The following ZNF33A variants were observed in gnomAD, a reference collection of about 807,000 sequenced individuals.
ZNF33A encodes brain my041 protein.
In ZNF33A, 9 loss-of-function variants were observed where a neutral mutation model predicts 15.9. The ratio of observed to expected loss-of-function variants is 0.57; its 90% confidence interval spans 0.34 to 0.99. The LOEUF (loss-of-function observed/expected upper bound fraction) is 0.99, where lower values mean the gene tolerates loss of function less well. Ranked by LOEUF, ZNF33A falls within the 50% of genes least tolerant of loss-of-function variation. ZNF33A has a pLI of 0.02. For missense variants in ZNF33A, 843 were observed against 941.6 expected (o/e 0.90, Z 1.37); for synonymous variants, 294 against 324.2 (o/e 0.91, Z 1.00).
At chr10:38,038,426 A>G (rs1205070377) in intron 4 of ZNF33A, among the ~76,000 whole-genome samples, 1 of 152,178 alleles carries the variant, frequency 6.6e-6, no homozygotes. Flanking sequence ...ATTTTCATTT[A>G]TGATTTGTTT....
chr10:38,034,319 T>C (rs2065345062), intron 4 of ZNF33A, among the ~76,000 whole-genome samples: 1 of 152,194 alleles, frequency 6.6e-6, no homozygotes, highest in African/African-American at 2.4e-5. Context: ...TTGTCATGTC[T>C]CTTTAGGCTC....
intron 4 of ZNF33A, among the ~76,000 whole-genome samples, chr10:38,042,309 C>T (rs183986426): frequency 6.6e-6 from 1 of 152,012 alleles, no homozygotes; most frequent in East Asian, 1.9e-4. Flanking sequence ...TCTCAGCCTC[C>T]CGAGTAGCTG....
chr10:38,056,829 A>G lies in ZNF33A; in HGVS notation c.*269A>G, dbSNP rs550186809. The G allele has an allele frequency of 9.2e-5, 104 of 1,131,000 alleles. 2 individuals carry two copies. In the South Asian group the frequency reaches 3.6e-3, roughly 39 times the overall value. 70.1% of individuals were successfully genotyped at this position (1,131,000 alleles called of 1,614,324 possible). A position where few individuals can be genotyped will look rare whatever the true frequency, so the allele number is the denominator to read the frequency against. On this transcript the variant is annotated 3_prime_UTR_variant, in exon 5 of 5. Transcript: ENST00000432900. ...AAATTTTGCTTAGAAATAAAATACGACAAGTTATGTTTTGAGTTTGATGCC... is the reference window on the plus strand; with the variant it reads ...AAATTTTGCTTAGAAATAAAATACGGCAAGTTATGTTTTGAGTTTGATGCC...
Position 38,039,634 on chromosome 10 carries a change from A to AT in ZNF33A, c.251-14737dup, listed in dbSNP as rs1414792888. 12 of 445,962 alleles carry AT rather than the reference A, an allele frequency of 2.7e-5. No homozygotes were observed. In the Middle Eastern group the frequency reaches 1.5e-3, roughly 54 times the overall value. The allele number at this position is 445,962 out of a possible 1,614,324, so 27.6% of individuals were successfully genotyped here. ...GGTTTTAGTTGTTTTTGTTTTATGG[A>AT]TTTTCCCATTTTGTTGAAGTTAAAT... On this transcript the variant is annotated intron_variant, in intron 4 of 4. Coordinates refer to ENST00000432900, the MANE Select transcript of ZNF33A (RefSeq NM_006954.2).
chr10:38,028,395 A>G (rs2065070460), intron 4 of ZNF33A, among the ~76,000 whole-genome samples: 1 of 151,680 alleles, frequency 6.6e-6, no homozygotes, highest in Non-Finnish European at 1.5e-5. Flanking sequence ...GCCATACTGC[A>G]TTTTGTTTTC....
intron 4 of ZNF33A, among the ~76,000 whole-genome samples, chr10:38,021,883 A>G (rs1030828580): frequency 2.0e-5 from 3 of 152,204 alleles, no homozygotes; most frequent in African/African-American, 4.8e-5. Context: ...TCAGACTTCT[A>G]AATAAAGTCT....
chr10:38,036,789 T>C (rs1370228899), intron 4 of ZNF33A, among the ~76,000 whole-genome samples: 2 of 152,122 alleles, frequency 1.3e-5, no homozygotes, highest in African/African-American at 4.8e-5. Flanking sequence ...AAGGAAGAAA[T>C]AAAACTTTCT....
At chr10:38,038,150 G>A (rs2065534983) in intron 4 of ZNF33A, among the ~76,000 whole-genome samples, 1 of 152,050 alleles carries the variant, frequency 6.6e-6, no homozygotes, top group Admixed American at 6.6e-5. Flanking sequence ...TTACTTATTT[G>A]AGACAGAGTT....
chr10:38,021,069 A>G (rs921711522), intron 4 of ZNF33A, among the ~76,000 whole-genome samples: 6 of 152,136 alleles, frequency 3.9e-5, no homozygotes, highest in African/African-American at 9.7e-5. Flanking sequence ...CTATTCCACC[A>G]TCTTGCTCCA....
chr10:38,055,248 A>T lies in ZNF33A; in HGVS notation c.1124A>T (p.His375Leu). Residue 375 changes from histidine (H) to leucine (L), a missense_variant, in exon 5 of 5, where the codon CAT (histidine) becomes CTT (leucine). Coordinates refer to ENST00000432900, the MANE Select transcript of ZNF33A (RefSeq NM_006954.2). ...TGGGATAAGTCAAACCTCACTAAAC[A>T]TCAAAGATCACACACAGGGGAGAAA... ...AFWDKSNLTK[H>L]QRSHTGEKPF... 2.5e-6 allele frequency: 4 copies of T among 1,614,152 alleles called. No individual in the cohort carries two copies. Among genetic ancestry groups the T allele is most frequent in the Non-Finnish European group, 2.5e-6 (3 of 1,179,994 alleles).
At chr10:38,051,303 C>T (rs2066191741) in intron 4 of ZNF33A, among the ~76,000 whole-genome samples, 3 of 151,926 alleles carry the variant, frequency 2.0e-5, no homozygotes, top group African/African-American at 4.8e-5. Context: ...TTATATATAC[C>T]GAAACTTGTA....
rs140434046 is a variant in ZNF33A, at chr10:38,055,983, A to G, written c.1859A>G (p.Gln620Arg). The G allele has an allele frequency of 5.0e-6, 8 of 1,614,046 alleles. No homozygotes were observed. Among genetic ancestry groups the G allele is most frequent in the Admixed American group, 1.7e-5 (1 of 60,016 alleles). ...AATGAATGTGGAAAAGCCTTCTACC[A>G]GAAGTCACAACTCACTCAGCATCAG... ...ECNECGKAFYQKSQLTQHQRI... is the reference protein window; with the variant it reads ...ECNECGKAFYRKSQLTQHQRI... The change falls in exon 5 of 5, where the codon CAG (glutamine) becomes CGG (arginine). Residue 620 changes from glutamine (Q) to arginine (R), a missense_variant. Coordinates refer to ENST00000432900, the MANE Select transcript of ZNF33A (RefSeq NM_006954.2).
downstream of ZNF33A, among the ~76,000 whole-genome samples, chr10:38,065,620 A>G (rs532927781): frequency 4.6e-5 from 7 of 152,206 alleles, no homozygotes; most frequent in African/African-American, 1.7e-4. Flanking sequence ...GCCTCATTCT[A>G]CATGGTTTCT....
intron 4 of ZNF33A, among the ~76,000 whole-genome samples, chr10:38,020,915 G>C (rs1256864859): frequency 1.3e-5 from 2 of 152,164 alleles, no homozygotes; most frequent in African/African-American, 4.8e-5. Flanking sequence ...CTTCCAAACT[G>C]TTCTCTTTCA....
intron 4 of ZNF33A, among the ~76,000 whole-genome samples, chr10:38,028,095 T>C (rs1394310250): frequency 2.0e-5 from 3 of 151,898 alleles, no homozygotes; most frequent in Non-Finnish European, 4.4e-5. Context: ...AGTGAGACTC[T>C]GTTTCTACAA....
At chr10:38,051,459 C>CT in intron 4 of ZNF33A, among the ~76,000 whole-genome samples, 1 of 152,166 alleles carries the variant, frequency 6.6e-6, no homozygotes, top group Middle Eastern at 3.4e-3. Flanking sequence ...GCAAAAATTA[C>CT]TTACCATGCA....
chr10:38,054,364 C>T lies in ZNF33A; in HGVS notation c.251-11C>T, dbSNP rs2066349411. 2 of 1,514,890 alleles carry T rather than the reference C, an allele frequency of 1.3e-6. No homozygotes were observed. Among genetic ancestry groups the T allele is most frequent in the African/African-American group, 1.4e-5 (1 of 71,522 alleles). 93.8% of individuals were successfully genotyped at this position (1,514,890 alleles called of 1,614,324 possible). On this transcript the variant is annotated splice_polypyrimidine_tract_variant and intron_variant, in intron 4 of 4. Transcript: ENST00000432900. The stretch of plus-strand genomic sequence containing the variant: ...TATTTATGTGGTAAGATTAATTTTG[C>T]TTGTTTCTAGAAGTCTGGACAGCTG...
chr10:38,049,145 T>C (rs2066085292), intron 4 of ZNF33A, among the ~76,000 whole-genome samples: 1 of 152,150 alleles, frequency 6.6e-6, no homozygotes, highest in Admixed American at 6.5e-5. Flanking sequence ...AAATCCCTAA[T>C]AGTTGGAAAC....
At chr10:38,064,081 C>T (rs1163371850), downstream of ZNF33A, 1 of 1,597,190 alleles carries the variant, frequency 6.3e-7, no homozygotes, top group Non-Finnish European at 8.5e-7. Flanking sequence ...TCCTTACTCC[C>T]TCCCAGGCCC....
Sources: gnomAD v4.1 joint callset for allele counts (sites outside exome capture counted in the v4.1 genomes callset) on GRCh38, gnomAD v4.1.1 for gene constraint, MANE v1.5 for transcripts, NCBI Gene and HGNC (gene_info 2026-07-23, HGNC 2026-07-21) for gene names.